Variants in HMMR observed in about 807,000 individuals in gnomAD.
HMMR encodes hyaluronan mediated motility receptor.
In HMMR, 108 loss-of-function variants were observed where a neutral mutation model predicts 101.0. The observed-to-expected ratio is 1.07, with a 90% CI of 0.92 to 1.25. The LOEUF is 1.25. Ranked by LOEUF, HMMR falls within the 50% of genes most tolerant of loss-of-function variation. The pLI is 0.00. For missense variants in HMMR, 813 were observed against 788.7 expected (o/e 1.03, Z -0.37); for synonymous variants, 296 against 276.4 (o/e 1.07, Z -0.70).
intron 16 of HMMR, among the ~76,000 whole-genome samples, chr5:163,490,134 T>C (rs911755584): frequency 6.6e-6 from 1 of 152,184 alleles, no homozygotes. Flanking sequence ...GCAATTACTT[T>C]TGAGTTGAAC....
chr5:163,484,085 T>C lies in HMMR; in HGVS notation c.1802T>C (p.Phe601Ser). 6.3e-7 allele frequency: 1 copy of C among 1,594,138 alleles called. No individual in the cohort carries two copies. The highest frequency in any genetic ancestry group is 2.3e-5 in the East Asian group (1 of 44,246). Residue 601 changes from phenylalanine (F) to serine (S), a missense_variant, in exon 16 of 18, where the codon TTT becomes TCT. Transcript: ENST00000393915. Reference protein sequence around the residue: ...TKPFQLQLDAFEVEKQALLNE... With the variant: ...TKPFQLQLDASEVEKQALLNE... ...CTTTTTCAGCTACAACTAGATGCTT[T>C]TGAAGTAGAAAAACAGGCATTGTTG...
At position 163,490,552 on chromosome 5, in the gene HMMR, G is replaced by A. The variant is rs1279412718; in HGVS notation, c.2125G>A (p.Gly709Ser). 6.3e-7 allele frequency: 1 copy of A among 1,584,268 alleles called. No individual in the cohort carries two copies. The highest frequency in any genetic ancestry group is 1.7e-4 in the Middle Eastern group (1 of 5,982). ...NFALKTPLKE[G>S]NTNCYRAPME... ...TGCCCTGAAGACCCCATTAAAAGAA[G>A]GTAAGACATGAATAAATGTATAAAA... Residue 709 changes from glycine (G) to serine (S), a missense_variant and splice_region_variant, in exon 17 of 18, where the codon GGC becomes AGC. Coordinates refer to ENST00000393915, the MANE Select transcript of HMMR (RefSeq NM_001142556.2).
At chr5:163,489,285 G>A (rs1050798003) in intron 16 of HMMR, 2 of 152,380 alleles carry the variant, frequency 1.3e-5, no homozygotes, top group Non-Finnish European at 2.9e-5. Flanking sequence ...AACAGGCCTT[G>A]GATGGGTATT....
At chr5:163,490,220 G>A (rs1285839627) in intron 16 of HMMR, among the ~76,000 whole-genome samples, 170 bp from the exon 17 acceptor site, 1 of 152,112 alleles carries the variant, frequency 6.6e-6, no homozygotes, top group Non-Finnish European at 1.5e-5. Context: ...TGTCACAGCT[G>A]TTTCATGTCA....
At chr5:163,475,253 A>C (rs1435296110) in intron 10 of HMMR, among the ~76,000 whole-genome samples, 1 of 152,124 alleles carries the variant, frequency 6.6e-6, no homozygotes, top group Admixed American at 6.5e-5. Context: ...CATAGAAAAA[A>C]GCCTAAGATG....
At chr5:163,460,873 C>G in intron 1 of HMMR, 135 bp downstream of exon 1, 1 of 746,386 alleles carries the variant, frequency 1.3e-6, no homozygotes, top group Non-Finnish European at 2.4e-6. Flanking sequence ...TGATTTTTCT[C>G]AAATATGCTC....
rs764848820 is a variant in HMMR, at chr5:163,483,132, G to C, written c.1645G>C (p.Glu549Gln). The C allele has an allele frequency of 6.2e-7, 1 of 1,612,290 alleles. No individual in the cohort carries two copies. Among genetic ancestry groups the C allele is most frequent in the Non-Finnish European group, 8.5e-7 (1 of 1,179,510 alleles). Reference protein sequence around the residue: ...TDLQNQLKQQEEDFRKQLEDE... With the variant: ...TDLQNQLKQQQEDFRKQLEDE... Reference sequence around the variant, plus strand: ...TTTGCAGAACCAACTCAAGCAACAGGAGGAAGACTTTAGAAAACAGCTGGA... The same window carrying C: ...TTTGCAGAACCAACTCAAGCAACAGCAGGAAGACTTTAGAAAACAGCTGGA... Residue 549 changes from glutamate (E) to glutamine (Q), a missense_variant, in exon 14 of 18, where the codon GAG becomes CAG. Coordinates refer to ENST00000393915, the MANE Select transcript of HMMR (RefSeq NM_001142556.2).
intron 9 of HMMR, among the ~76,000 whole-genome samples, chr5:163,473,852 G>C (rs780961389): frequency 6.6e-6 from 1 of 151,974 alleles, no homozygotes; most frequent in Non-Finnish European, 1.5e-5. Context: ...ACAATCAGTA[G>C]ATAACACAGA....
At chr5:163,489,877 G>A (rs760485289) in intron 16 of HMMR, among the ~76,000 whole-genome samples, 9 of 152,216 alleles carry the variant, frequency 5.9e-5, no homozygotes, top group South Asian at 2.1e-4. Flanking sequence ...GGCTGTAGCC[G>A]TCTGGCGTGG....
At chr5:163,475,424 C>A in intron 10 of HMMR, 34 bp from the exon 11 acceptor site, 1 of 1,323,128 alleles carries the variant, frequency 7.6e-7, no homozygotes, top group Non-Finnish European at 1.1e-6. Context: ...AATGCCATTC[C>A]AAATTATTTT....
chr5:163,471,129 T>C, intron 5 of HMMR, 56 bp from the exon 6 acceptor site: 1 of 1,093,576 alleles, frequency 9.1e-7, no homozygotes, highest in Non-Finnish European at 1.4e-6. Context: ...TTGTGTATTT[T>C]AAATATGTCT....
In HMMR at chr5:163,473,165, A is replaced by G. The variant is rs376818495; in HGVS notation, c.651-14A>G. On this transcript the variant is annotated splice_polypyrimidine_tract_variant and intron_variant, in intron 7 of 17. Coordinates refer to ENST00000393915, the MANE Select transcript of HMMR (RefSeq NM_001142556.2). The stretch of plus-strand genomic sequence containing the variant: ...GAAACTAGAATGTATTAACATATGC[A>G]ATTTTTGTTTTAGTGTTTCAATAGA... The G allele has an allele frequency of 7.5e-7, 1 of 1,330,834 alleles. No individual in the cohort carries two copies. The allele number at this position is 1,330,834 out of a possible 1,614,324, so 82.4% of individuals were successfully genotyped here.
chr5:163,472,186 C>G (rs901951354), intron 7 of HMMR, among the ~76,000 whole-genome samples: 1 of 151,790 alleles, frequency 6.6e-6, no homozygotes, highest in Admixed American at 6.6e-5. Context: ...GCCAGTTTTG[C>G]CTTTTTTTAG....
At position 163,462,038 on chromosome 5, in the gene HMMR, T is replaced by C. The variant is rs561130215; in HGVS notation, c.46+1300T>C. ...GCCAACGTGTGAATGAAAATACAAC[T>C]ACTCACAAAGGAAGGCCAAATGAGC... On this transcript the variant is annotated intron_variant, in intron 1 of 17. Transcript: ENST00000393915. Among the ~76,000 whole-genome samples, 4 of 152,294 alleles carry C rather than the reference T, an allele frequency of 2.6e-5. No individual in the cohort carries two copies. The South Asian group carries it at 6.2e-4, about 24-fold the overall frequency.
chr5:163,489,100 T>C (rs544344401), intron 16 of HMMR, among the ~76,000 whole-genome samples: 1 of 152,308 alleles, frequency 6.6e-6, no homozygotes. Context: ...TCATGAGGCA[T>C]TAGATTCTCA....
chr5:163,484,928 T>C (rs1437886907), intron 16 of HMMR, among the ~76,000 whole-genome samples: 1 of 152,220 alleles, frequency 6.6e-6, no homozygotes, highest in Non-Finnish European at 1.5e-5. Context: ...AAGATTCACC[T>C]GTGTTGTAGC....
At chr5:163,472,718 G>A (rs752006416) in intron 7 of HMMR, among the ~76,000 whole-genome samples, 13 of 152,128 alleles carry the variant, frequency 8.5e-5, no homozygotes, top group Non-Finnish European at 1.8e-4. Context: ...ACCATTTTAT[G>A]TGCATATCAC....
rs750057879 is a variant in HMMR at position 163,482,712 on chromosome 5, G to T, written c.1456G>T (p.Ala486Ser). The change falls in exon 13 of 18, where the codon GCC (alanine) becomes TCC (serine). Residue 486 changes from alanine (A) to serine (S), a missense_variant. Coordinates refer to ENST00000393915, the MANE Select transcript of HMMR (RefSeq NM_001142556.2). ...LENSSLQEKA[A>S]KAGKNAEDVQ... ...GAACTCATCATTACAGGAAAAAGCG[G>T]CCAAGGCTGGGAAAAATGCAGAGGA... is the stretch of plus-strand genomic sequence containing the variant. 1.9e-6 allele frequency: 3 copies of T among 1,613,568 alleles called. No individual in the cohort carries two copies. The highest frequency in any genetic ancestry group is 2.5e-6 in the Non-Finnish European group (3 of 1,179,516).
intron 4 of HMMR, among the ~76,000 whole-genome samples, chr5:163,467,969 A>G (rs1044777125): frequency 4.6e-5 from 7 of 152,252 alleles, no homozygotes; most frequent in Non-Finnish European, 1.0e-4. Flanking sequence ...AAGATAGCCC[A>G]CTTAATGAAA....
Sources: allele counts gnomAD v4.1 joint callset (sites outside exome capture counted in the v4.1 genomes callset), GRCh38; gene constraint gnomAD v4.1.1; transcripts MANE v1.5; gene names NCBI Gene and HGNC (gene_info 2026-07-23, HGNC 2026-07-21).